The following PIK3CA variants were observed in gnomAD, a reference collection of about 807,000 sequenced individuals.
The protein encoded by PIK3CA is phosphatidylinositol-4,5-bisphosphate 3-kinase catalytic subunit alpha.
In PIK3CA, 27 loss-of-function variants were observed where a neutral mutation model predicts 138.2. The observed-to-expected ratio is 0.20, with a 90% CI of 0.14 to 0.27. PIK3CA has a LOEUF of 0.27. PIK3CA is among the 10% of genes least tolerant of loss of function. PIK3CA has a pLI of 1.00. For synonymous variants in PIK3CA, 358 were observed against 413.2 expected (o/e 0.87, Z 1.62); for missense variants, 544 against 1,277.4 (o/e 0.43, Z 8.75).
Position 179,201,965 on chromosome 3 carries a change from G to A in PIK3CA, c.813+425G>A, listed in dbSNP as rs184770944. Among the ~76,000 whole-genome samples the A allele has an allele frequency of 1.7e-4, 26 of 152,174 alleles. No individual in the cohort carries two copies. The East Asian group carries it at 5.0e-3, about 30-fold the overall frequency. Reference sequence around the variant, plus strand: ...TAATATTAGTAAATAGCGTTTGTAAGCTTATTCTTTTAATTCTGTGATTAA... The same window carrying A: ...TAATATTAGTAAATAGCGTTTGTAAACTTATTCTTTTAATTCTGTGATTAA... On this transcript the variant is annotated intron_variant, in intron 4 of 20. Transcript: ENST00000263967.
intron 17 of PIK3CA, among the ~76,000 whole-genome samples, chr3:179,228,031 A>T (rs1211873243): frequency 1.3e-5 from 2 of 152,220 alleles, no homozygotes; most frequent in Non-Finnish European, 2.9e-5. Context: ...GGTTATTCAG[A>T]CATGGATATT....
chr3:179,152,791 T>A (rs2108348296), intron 1 of PIK3CA, among the ~76,000 whole-genome samples: 1 of 152,288 alleles, frequency 6.6e-6, no homozygotes. Flanking sequence ...ACTGTGACAT[T>A]TGGTTTCAGT....
At chr3:179,228,780 T>G (rs1725144716) in intron 17 of PIK3CA, among the ~76,000 whole-genome samples, 1 of 152,048 alleles carries the variant, frequency 6.6e-6, no homozygotes, top group Non-Finnish European at 1.5e-5. Context: ...TTTAAATGAA[T>G]TAGTAAATAT....
chr3:179,212,201 T>G (rs193114327), intron 9 of PIK3CA, among the ~76,000 whole-genome samples: 2,385 of 151,346 alleles, frequency 0.016, 91 homozygotes, highest in South Asian at 0.13. Flanking sequence ...AGAGACGGGG[T>G]GTCTCCATGT....
chr3:179,177,294 G>A (rs1723720844), intron 1 of PIK3CA, among the ~76,000 whole-genome samples: 1 of 147,654 alleles, frequency 6.8e-6, no homozygotes, highest in African/African-American at 2.5e-5. Flanking sequence ...TGGTATTATA[G>A]CATTAATATT....
intron 1 of PIK3CA, among the ~76,000 whole-genome samples, chr3:179,159,914 T>C (rs1393567872): frequency 2.0e-5 from 3 of 152,142 alleles, no homozygotes; most frequent in African/African-American, 7.2e-5. Flanking sequence ...TATATATAAA[T>C]ATATCTAAAC....
chr3:179,173,673 G>A (rs888509425), intron 1 of PIK3CA, among the ~76,000 whole-genome samples: 12 of 152,232 alleles, frequency 7.9e-5, no homozygotes, highest in South Asian at 4.1e-4. Flanking sequence ...AATTACCTAC[G>A]TGGTGTATTG....
intron 1 of PIK3CA, among the ~76,000 whole-genome samples, chr3:179,177,339 G>A (rs1485888553): frequency 7.6e-6 from 1 of 131,258 alleles, no homozygotes; most frequent in Non-Finnish European, 1.6e-5. Context: ...TTGAGATGGA[G>A]TCTCACTCTG....
intron 9 of PIK3CA, among the ~76,000 whole-genome samples, chr3:179,212,090 C>G (rs960923785): frequency 2.0e-5 from 3 of 150,786 alleles, no homozygotes; most frequent in Non-Finnish European, 2.9e-5. Flanking sequence ...TCACTGCAAC[C>G]TCTGCCTCCC....
intron 1 of PIK3CA, among the ~76,000 whole-genome samples, chr3:179,198,047 A>G (rs1165369011): frequency 6.6e-6 from 1 of 152,252 alleles, no homozygotes; most frequent in East Asian, 1.9e-4. Context: ...TAAATAGATC[A>G]TTACAAATTC....
chr3:179,201,531 T>C lies in PIK3CA; in HGVS notation c.804T>C (p.Ser268=), dbSNP rs1282435604. ...DEYFLEKYPL[S]QYKYIRSCIM... Reference sequence around the variant, plus strand: ...ACTTCCTAGAAAAATATCCTCTGAGTCAGTATAAGGTGAGTAACAAGTTTC... The same window carrying C: ...ACTTCCTAGAAAAATATCCTCTGAGCCAGTATAAGGTGAGTAACAAGTTTC... Residue 268 remains serine (S), a synonymous_variant, in exon 4 of 21, where the codon AGT becomes AGC. Coordinates refer to ENST00000263967, the MANE Select transcript of PIK3CA (RefSeq NM_006218.4). 1 of 1,598,584 alleles carries C rather than the reference T, an allele frequency of 6.3e-7. No homozygotes were observed. Among genetic ancestry groups the C allele is most frequent in the South Asian group, 1.1e-5 (1 of 90,716 alleles).
rs905633459 is a variant in PIK3CA, at chr3:179,236,099, T to C, written c.*1735T>C. 25 of 205,352 alleles carry C rather than the reference T, an allele frequency of 1.2e-4. No individual in the cohort carries two copies. The highest frequency in any genetic ancestry group is 5.5e-4 in the African/African-American group (24 of 43,872). 12.7% of individuals were successfully genotyped at this position (205,352 alleles called of 1,614,324 possible). ...AACAGCATCACTTTAAAAATATTCATTTATGAAATCTGTTACCTATAGTTG... is the reference window on the plus strand; with the variant it reads ...AACAGCATCACTTTAAAAATATTCACTTATGAAATCTGTTACCTATAGTTG... On this transcript the variant is annotated 3_prime_UTR_variant, in exon 21 of 21. Transcript: ENST00000263967.
chr3:179,185,794 G>A (rs551266411), intron 1 of PIK3CA, among the ~76,000 whole-genome samples: 11 of 152,182 alleles, frequency 7.2e-5, no homozygotes, highest in Non-Finnish European at 1.6e-4. Flanking sequence ...CATAGGGCAG[G>A]GCTTGTGGGA....
chr3:179,210,769 C>G (rs559716908), intron 9 of PIK3CA, among the ~76,000 whole-genome samples: 11 of 152,338 alleles, frequency 7.2e-5, no homozygotes, highest in African/African-American at 2.6e-4. Context: ...TGCCTTCATT[C>G]ATTTAACAAA....
chr3:179,236,267 T>C lies in PIK3CA; in HGVS notation c.*1903T>C, dbSNP rs78993050. ...AATATTGCCAACAAGAAAAGTAAAT[T>C]TGAAGATTAAGGGAACTTACTTCTG... is the stretch of plus-strand genomic sequence containing the variant. On this transcript the variant is annotated 3_prime_UTR_variant, in exon 21 of 21. Coordinates refer to ENST00000263967, the MANE Select transcript of PIK3CA (RefSeq NM_006218.4). 0.028 allele frequency: 5,819 copies of C among 207,006 alleles called. 114 individuals carry two copies. The highest frequency in any genetic ancestry group is 0.069 in the South Asian group (366 of 5,308). 12.8% of individuals were successfully genotyped at this position (207,006 alleles called of 1,614,324 possible).
At position 179,234,051 on chromosome 3, in the gene PIK3CA, A is replaced by G. The variant is rs1305321589; in HGVS notation, c.2937-43A>G. ...TGAGCAAAGACCTGAAGGTATTAACATCATTTGCTCCAAACTGACCAAACT... is the reference window on the plus strand; with the variant it reads ...TGAGCAAAGACCTGAAGGTATTAACGTCATTTGCTCCAAACTGACCAAACT... On this transcript the variant is annotated intron_variant, in intron 20 of 20. Coordinates refer to ENST00000263967, the MANE Select transcript of PIK3CA (RefSeq NM_006218.4). The surrounding 1 kb of genome is among the most constrained non-coding windows in gnomAD (Gnocchi z 5.1). 1 of 1,486,708 alleles carries G rather than the reference A, an allele frequency of 6.7e-7. No homozygotes were observed. Among genetic ancestry groups the G allele is most frequent in the Middle Eastern group, 1.8e-4 (1 of 5,570 alleles). 92.1% of individuals were successfully genotyped at this position (1,486,708 alleles called of 1,614,324 possible).
Position 179,230,470 on chromosome 3 carries a change from GT to G in PIK3CA, c.2936+96del. The G allele has an allele frequency of 9.0e-7, 1 of 1,111,796 alleles. No homozygotes were observed. Among genetic ancestry groups the G allele is most frequent in the Non-Finnish European group, 1.3e-6 (1 of 780,052 alleles). The allele number at this position is 1,111,796 out of a possible 1,614,324, so 68.9% of individuals were successfully genotyped here. On this transcript the variant is annotated intron_variant, in intron 20 of 20. Transcript: ENST00000263967. This position sits in a 1 kb window ranked among gnomAD's most constrained non-coding sequence, Gnocchi z 5.4. ...TTCAAGCAATTTCAAAATAATAAAT[GT>G]TGGCTGGGTGTGGTGGTTCATGCCT...
chr3:179,173,568 G>A (rs929968226), intron 1 of PIK3CA, among the ~76,000 whole-genome samples: 41 of 151,400 alleles, frequency 2.7e-4, no homozygotes, highest in African/African-American at 9.2e-4. Context: ...GACAGAGGGA[G>A]ACTCCATCTC....
intron 20 of PIK3CA, among the ~76,000 whole-genome samples, chr3:179,231,553 A>T: frequency 6.9e-6 from 1 of 144,734 alleles, no homozygotes; most frequent in East Asian, 2.2e-4. Flanking sequence ...ATGATTAATG[A>T]TGTTGAGCAT....
Sources: gnomAD v4.1 joint callset for allele counts (sites outside exome capture counted in the v4.1 genomes callset) on GRCh38, gnomAD v4.1.1 for gene constraint, Gnocchi (gnomAD v3.1) non-coding constraint, MANE v1.5 for transcripts, NCBI Gene and HGNC (gene_info 2026-07-23, HGNC 2026-07-21) for gene names.